The following DCC variants were observed in gnomAD, a reference collection of about 807,000 sequenced individuals.
DCC encodes DCC netrin 1 receptor.
Under a neutral mutation model 172.5 loss-of-function variants are expected in DCC, and 58 were observed. The observed-to-expected ratio is 0.34, with a 90% CI of 0.27 to 0.42. The LOEUF (loss-of-function observed/expected upper bound fraction) is 0.42, where lower values mean the gene tolerates loss of function less well. Ranked by LOEUF, DCC falls within the 10% of genes least tolerant of loss-of-function variation. DCC has a pLI of 1.00. For synonymous variants in DCC, 709 were observed against 644.5 expected (o/e 1.10, Z -1.52); for missense variants, 1,740 against 1,791.0 (o/e 0.97, Z 0.51).
chr18:52,372,382 G>C (rs1985159514), intron 1 of DCC, among the ~76,000 whole-genome samples: 1 of 152,180 alleles, frequency 6.6e-6, no homozygotes, highest in Non-Finnish European at 1.5e-5. Flanking sequence ...GCATTGGCTG[G>C]TTATGAGGAC....
chr18:53,110,532 C>T (rs1214902914), intron 7 of DCC, among the ~76,000 whole-genome samples: 4 of 151,690 alleles, frequency 2.6e-5, no homozygotes, highest in African/African-American at 9.7e-5. Flanking sequence ...TCTAAAGAGA[C>T]CACCAACTTA....
intron 1 of DCC, among the ~76,000 whole-genome samples, chr18:52,556,796 C>T (rs1343922486): frequency 6.6e-6 from 1 of 151,990 alleles, no homozygotes; most frequent in African/African-American, 2.4e-5. Flanking sequence ...TTGGTGCCGC[C>T]GTCTCACCTT....
intron 1 of DCC, among the ~76,000 whole-genome samples, chr18:52,610,980 T>C (rs2034266351): frequency 6.6e-6 from 1 of 152,194 alleles, no homozygotes; most frequent in African/African-American, 2.4e-5. Context: ...TTCTGTTCAG[T>C]TTTAGAATTT....
chr18:52,505,454 A>T (rs62081283), intron 1 of DCC, among the ~76,000 whole-genome samples: 9,943 of 152,268 alleles, frequency 0.065, 381 homozygotes, highest in Middle Eastern at 0.11. Context: ...TTCTTCTCTA[A>T]CACATTTAAT....
intron 1 of DCC, among the ~76,000 whole-genome samples, chr18:52,546,152 G>A (rs1018345163): frequency 2.6e-5 from 4 of 152,000 alleles, no homozygotes; most frequent in African/African-American, 9.7e-5. Context: ...ATGGGTGTAC[G>A]TGCACACACA....
intron 7 of DCC, among the ~76,000 whole-genome samples, chr18:53,092,060 A>G (rs972969688): frequency 1.3e-5 from 2 of 152,162 alleles, no homozygotes; most frequent in African/African-American, 2.4e-5. Context: ...AGGAAATTCA[A>G]TACAGTAGTA....
At chr18:52,874,067 A>G (rs1453340991) in intron 2 of DCC, among the ~76,000 whole-genome samples, 1 of 152,216 alleles carries the variant, frequency 6.6e-6, no homozygotes, top group East Asian at 1.9e-4. Context: ...TTTGTTAGAT[A>G]AAAATCCACA....
intron 1 of DCC, among the ~76,000 whole-genome samples, chr18:52,461,532 A>C (rs1988630908): frequency 6.6e-6 from 1 of 152,228 alleles, no homozygotes; most frequent in Non-Finnish European, 1.5e-5. Context: ...TATGACTGGC[A>C]GCACAATAGT....
chr18:53,181,196 T>C (rs1227708645), intron 9 of DCC, among the ~76,000 whole-genome samples: 2 of 152,190 alleles, frequency 1.3e-5, no homozygotes, highest in African/African-American at 4.8e-5. Flanking sequence ...ATGGATTATC[T>C]GAATTTTTCA....
At chr18:53,294,094 AAGCAG>A (rs1476043148) in intron 12 of DCC, among the ~76,000 whole-genome samples, 2 of 152,214 alleles carry the variant, frequency 1.3e-5, no homozygotes, top group African/African-American at 4.8e-5. Flanking sequence ...AATTAGATTA[AAGCAG>A]AGAAAAGTGG....
chr18:52,913,633 C>T (rs1354531041), intron 3 of DCC, among the ~76,000 whole-genome samples: 2 of 152,028 alleles, frequency 1.3e-5, no homozygotes, highest in Admixed American at 1.3e-4. Context: ...TGAGATTGTC[C>T]TCCACGTAAA....
At position 53,133,872 on chromosome 18, in the gene DCC, A is replaced by C. The variant is rs1424587072; in HGVS notation, c.1262-23484A>C. On this transcript the variant is annotated intron_variant, in intron 7 of 28. Coordinates refer to ENST00000442544, the MANE Select transcript of DCC (RefSeq NM_005215.4). ...CAGCTATGAAAAGCTGAGCCAGGTC[A>C]TACAAAGAAGAATAAAATTCAGAGT... is the stretch of plus-strand genomic sequence containing the variant. Among the ~76,000 whole-genome samples, 5 of 152,212 alleles carry C rather than the reference A, an allele frequency of 3.3e-5. No homozygotes were observed. The South Asian group carries it at 1.0e-3, about 31-fold the overall frequency.
chr18:52,446,594 G>A (rs1314620066), intron 1 of DCC, among the ~76,000 whole-genome samples: 1 of 152,200 alleles, frequency 6.6e-6, no homozygotes, highest in Non-Finnish European at 1.5e-5. Context: ...CATCATGTGA[G>A]TGTGACATTA....
intron 6 of DCC, among the ~76,000 whole-genome samples, chr18:53,064,945 A>G (rs571839759): frequency 1.3e-5 from 2 of 152,278 alleles, no homozygotes; most frequent in Admixed American, 1.3e-4. Flanking sequence ...TACATTTTGA[A>G]TATAATCTTT....
intron 5 of DCC, among the ~76,000 whole-genome samples, chr18:52,953,718 G>A (rs759639824): frequency 6.6e-5 from 10 of 152,202 alleles, no homozygotes; most frequent in Non-Finnish European, 1.2e-4. Flanking sequence ...AAACATTTCA[G>A]TGTGTTAGGA....
At chr18:53,389,218 C>CA (rs1204176890) in intron 16 of DCC, among the ~76,000 whole-genome samples, 8 of 152,032 alleles carry the variant, frequency 5.3e-5, no homozygotes, top group Admixed American at 3.9e-4. Flanking sequence ...AATTTTTTTT[C>CA]AATTCTCTTG....
At chr18:52,551,012 A>G (rs1199575183) in intron 1 of DCC, among the ~76,000 whole-genome samples, 2 of 152,062 alleles carry the variant, frequency 1.3e-5, no homozygotes, top group Non-Finnish European at 2.9e-5. Flanking sequence ...TGTTAGGGAC[A>G]AATGTATTTG....
rs140773480 is a variant in DCC, at chr18:53,068,844, G to A, written c.1261+2678G>A. ...TGCTGGGGACTGATTGCAAAAATGG[G>A]AAATGGGCAACTTTATTCTGCTATT... On this transcript the variant is annotated intron_variant, in intron 7 of 28. Transcript: ENST00000442544. Among the ~76,000 whole-genome samples the A allele has an allele frequency of 4.6e-3, 698 of 150,878 alleles. 7 individuals carry two copies. The highest frequency in any genetic ancestry group is 0.017 in the African/African-American group (675 of 40,892).
intron 1 of DCC, among the ~76,000 whole-genome samples, chr18:52,686,801 A>G (rs570663311): frequency 6.6e-6 from 1 of 152,206 alleles, no homozygotes. Flanking sequence ...CTGAGGTCTT[A>G]ACAGGAATCC....
Sources: allele counts gnomAD v4.1 joint callset (sites outside exome capture counted in the v4.1 genomes callset), GRCh38; gene constraint gnomAD v4.1.1; transcripts MANE v1.5; gene names NCBI Gene and HGNC (gene_info 2026-07-23, HGNC 2026-07-21).